Variants in PXDNL observed in about 807,000 individuals in gnomAD.
PXDNL encodes probable oxidoreductase PXDNL.
PXDNL carries 145 observed loss-of-function variants against 150.8 expected under a neutral mutation model. That is an observed-to-expected ratio of 0.96 (90% CI 0.84 to 1.10). PXDNL has a LOEUF of 1.10. PXDNL is among the 50% of genes least tolerant of loss of function. The pLI is 0.00. For synonymous variants in PXDNL, 757 were observed against 725.7 expected, an observed-to-expected ratio of 1.04 and a Z score of -0.69; for missense variants, 2,087 against 1,873.9, an observed-to-expected ratio of 1.11 and a Z score of -2.10.
intron 21 of PXDNL, 143 bp downstream of exon 21, chr8:51,339,479 CAA>C: frequency 2.5e-6 from 2 of 789,552 alleles, no homozygotes; most frequent in Admixed American, 3.4e-5. Context: ...AAAGTAAAAA[CAA>C]AAAAAAAGCA....
In PXDNL at chr8:51,408,671, G is replaced by C. The variant is rs780732263; in HGVS notation, c.2953C>G (p.Leu985Val). ...FREHNRMATE[L>V]SALNPHWEGN... ...TCCCAGTGGGGGTTCAGGGCGGACA[G>C]CTCCGTGGCCATCCTGTTGTGTTCC... The change falls in exon 17 of 23, where the codon CTG (leucine) becomes GTG (valine). Residue 985 changes from leucine (L) to valine (V), a missense_variant. Physicochemically the swap from Leu to Val is conservative, Grantham distance 32. Coordinates refer to ENST00000356297, the MANE Select transcript of PXDNL (RefSeq NM_144651.5). 3 of 1,602,078 alleles carry C rather than the reference G, an allele frequency of 1.9e-6. No individual in the cohort carries two copies. The highest frequency in any genetic ancestry group is 2.3e-5 in the East Asian group (1 of 44,258).
At chr8:51,559,963 C>T (rs1812686827) in intron 3 of PXDNL, among the ~76,000 whole-genome samples, 1 of 151,884 alleles carries the variant, frequency 6.6e-6, no homozygotes, top group South Asian at 2.1e-4. Flanking sequence ...AAAAACAAAT[C>T]TGATACTAAA....
intron 12 of PXDNL, among the ~76,000 whole-genome samples, chr8:51,430,329 C>T (rs912147383): frequency 6.6e-6 from 1 of 152,176 alleles, no homozygotes; most frequent in Non-Finnish European, 1.5e-5. Context: ...TGTGAATAAA[C>T]AGAAGCTTAA....
chr8:51,652,974 T>C (rs889672265), intron 2 of PXDNL, among the ~76,000 whole-genome samples: 1 of 152,336 alleles, frequency 6.6e-6, no homozygotes, highest in South Asian at 2.1e-4. Flanking sequence ...ACTCCTTGAA[T>C]TTTTTAAATG....
intron 2 of PXDNL, among the ~76,000 whole-genome samples, chr8:51,641,107 G>T (rs1223802861): frequency 6.6e-6 from 1 of 151,550 alleles, no homozygotes; most frequent in Non-Finnish European, 1.5e-5. Flanking sequence ...AATGGGGAAA[G>T]GATTCCCTAT....
At chr8:51,561,562 A>G (rs944726099) in intron 3 of PXDNL, among the ~76,000 whole-genome samples, 5 of 151,950 alleles carry the variant, frequency 3.3e-5, no homozygotes, top group African/African-American at 1.2e-4. Context: ...GGAAATTCTG[A>G]CACATGCTAC....
intron 2 of PXDNL, among the ~76,000 whole-genome samples, chr8:51,598,695 A>G (rs1563477948): frequency 1.3e-5 from 2 of 151,818 alleles, no homozygotes; most frequent in African/African-American, 2.4e-5. Flanking sequence ...ATTGGCCTGT[A>G]GTTTCATTTT....
At chr8:51,546,724 T>C (rs1001117825) in intron 4 of PXDNL, among the ~76,000 whole-genome samples, 30 of 152,174 alleles carry the variant, frequency 2.0e-4, no homozygotes, top group Non-Finnish European at 3.8e-4. Flanking sequence ...CCTACTTGCT[T>C]TCTCAGTCAG....
chr8:51,330,472 A>G (rs1805648279), intron 21 of PXDNL, among the ~76,000 whole-genome samples: 1 of 152,200 alleles, frequency 6.6e-6, no homozygotes, highest in African/African-American at 2.4e-5. Context: ...CAAAAACGGT[A>G]TCTTAGTTTG....
At chr8:51,756,043 A>T (rs530211399) in intron 1 of PXDNL, among the ~76,000 whole-genome samples, 2 of 152,332 alleles carry the variant, frequency 1.3e-5, no homozygotes, top group South Asian at 4.1e-4. Flanking sequence ...AATATTTTTT[A>T]AATGTATCAT....
At chr8:51,565,742 A>T (rs890302820) in intron 3 of PXDNL, among the ~76,000 whole-genome samples, 42 of 151,892 alleles carry the variant, frequency 2.8e-4, no homozygotes, top group African/African-American at 1.0e-3. Flanking sequence ...GCATCAGGTG[A>T]ATACATATAA....
intron 1 of PXDNL, among the ~76,000 whole-genome samples, chr8:51,683,500 A>C (rs1815803557): frequency 6.6e-6 from 1 of 151,768 alleles, no homozygotes; most frequent in Non-Finnish European, 1.5e-5. Context: ...GGGAGAGGGG[A>C]ATGGGGAATT....
intron 5 of PXDNL, among the ~76,000 whole-genome samples, chr8:51,498,851 T>C (rs867036820): frequency 7.9e-5 from 12 of 152,242 alleles, no homozygotes; most frequent in African/African-American, 2.4e-4. Context: ...GTTTCAGCGT[T>C]TAGATTATTA....
At chr8:51,333,232 G>T (rs187565534) in intron 21 of PXDNL, among the ~76,000 whole-genome samples, 1 of 151,970 alleles carries the variant, frequency 6.6e-6, no homozygotes, top group Non-Finnish European at 1.5e-5. Flanking sequence ...TGTAAACAGC[G>T]AAACTAAGCA....
chr8:51,396,139 A>G (rs1248751286), intron 17 of PXDNL, among the ~76,000 whole-genome samples: 1 of 152,204 alleles, frequency 6.6e-6, no homozygotes, highest in East Asian at 1.9e-4. Flanking sequence ...CAGTCCACCT[A>G]TGCCTGCGAG....
At chr8:51,620,373 C>T (rs1468379045) in intron 2 of PXDNL, among the ~76,000 whole-genome samples, 6 of 152,116 alleles carry the variant, frequency 3.9e-5, no homozygotes, top group Admixed American at 6.5e-5. Flanking sequence ...ATCTGCTGTA[C>T]ACAACACTGT....
intron 21 of PXDNL, among the ~76,000 whole-genome samples, chr8:51,336,351 A>G (rs1451137574): frequency 6.6e-6 from 1 of 152,360 alleles, no homozygotes; most frequent in South Asian, 2.1e-4. Flanking sequence ...GAAAAACCAC[A>G]AAGTGGCATA....
chr8:51,534,098 G>A (rs911090664), intron 4 of PXDNL, among the ~76,000 whole-genome samples: 3 of 143,340 alleles, frequency 2.1e-5, no homozygotes, highest in East Asian at 2.2e-4. Context: ...CTGCCCGGCC[G>A]CCCATGTCTG....
At chr8:51,391,815 T>C (rs1807920134) in intron 17 of PXDNL, among the ~76,000 whole-genome samples, 1 of 152,184 alleles carries the variant, frequency 6.6e-6, no homozygotes, top group Admixed American at 6.5e-5. Flanking sequence ...TCCTTGCCCA[T>C]GCCTATGTCC....
Sources: gnomAD v4.1 joint callset for allele counts (sites outside exome capture counted in the v4.1 genomes callset) on GRCh38, gnomAD v4.1.1 for gene constraint, MANE v1.5 for transcripts, NCBI Gene and HGNC (gene_info 2026-07-23, HGNC 2026-07-21) for gene names.